C6orf118: variants seen among roughly 807,000 people sequenced by gnomAD.
The protein encoded by C6orf118 is uncharacterized protein C6orf118.
Under a neutral mutation model 50.2 loss-of-function variants are expected in C6orf118, and 50 were observed. That is an observed-to-expected ratio of 1.00 (90% confidence interval 0.79 to 1.26). The LOEUF is 1.26. Among genes scored for constraint, C6orf118 ranks in the 50% most tolerant of loss-of-function variants. C6orf118 has a pLI of 0.00. For synonymous variants in C6orf118, 239 were observed against 230.9 expected, an observed-to-expected ratio of 1.03 and a Z score of -0.32; for missense variants, 641 against 578.7, an observed-to-expected ratio of 1.11 and a Z score of -1.10.
chr6:165,298,378 G>C (rs12055415), intron 4 of C6orf118, among the ~76,000 whole-genome samples: 263 of 152,238 alleles, frequency 1.7e-3, no homozygotes, highest in African/African-American at 6.1e-3. Flanking sequence ...TGGCCCGTGT[G>C]GGGGGAAGGA....
chr6:165,298,224 A>T, intron 4 of C6orf118, 123 bp from the exon 5 acceptor site: 1 of 1,234,606 alleles, frequency 8.1e-7, no homozygotes, highest in Non-Finnish European at 1.1e-6. Context: ...TCTAGTTAAA[A>T]TAGGTAAATT....
chr6:165,281,680 T>G lies in C6orf118; in HGVS notation c.1316A>C (p.Gln439Pro). ...RIKSIEHEAI[Q>P]LETENMILKK... Reference sequence around the variant, plus strand: ...TAAAATCATATTTTCTGTTTCCAATTGTATAGCTTCATGCTGGAAGAGAAG... The same window carrying G: ...TAAAATCATATTTTCTGTTTCCAATGGTATAGCTTCATGCTGGAAGAGAAG... The change falls in exon 8 of 9, where the codon CAA becomes CCA. Residue 439 changes from glutamine (Q) to proline (P), a missense_variant. Transcript: ENST00000230301. The G allele has an allele frequency of 6.7e-7, 1 of 1,495,402 alleles. No homozygotes were observed. Among genetic ancestry groups the G allele is most frequent in the South Asian group, 1.3e-5 (1 of 77,794 alleles). 92.6% of individuals were successfully genotyped at this position (1,495,402 alleles called of 1,614,324 possible). A position where few individuals can be genotyped will look rare whatever the true frequency, so the allele number is the denominator to read the frequency against.
intron 5 of C6orf118, among the ~76,000 whole-genome samples, chr6:165,294,264 A>AC (rs1311199551): frequency 7.2e-4 from 109 of 150,774 alleles, no homozygotes; most frequent in Middle Eastern, 3.4e-3. Context: ...CAAAAAAAAA[A>AC]AAACAAAAAA....
chr6:165,292,987 A>C (rs1003326555), intron 6 of C6orf118, among the ~76,000 whole-genome samples: 3 of 152,224 alleles, frequency 2.0e-5, no homozygotes, highest in African/African-American at 7.2e-5. Flanking sequence ...ACAAACTTGG[A>C]GGGAAAATGG....
At chr6:165,305,822 T>C (rs12660972) in intron 1 of C6orf118, among the ~76,000 whole-genome samples, 3,924 of 69,558 alleles carry the variant, frequency 0.056, 51 homozygotes, top group African/African-American at 0.089. Flanking sequence ...AGTCAGGAAA[T>C]AACAGGTGCT....
intron 1 of C6orf118, among the ~76,000 whole-genome samples, chr6:165,306,486 AT>A (rs1235649009): frequency 1.5e-5 from 2 of 135,096 alleles, no homozygotes; most frequent in Admixed American, 1.5e-4. Context: ...AAAAAAAATT[AT>A]AAAAAAAAAA....
At chr6:165,287,979 T>A (rs1454433742) in intron 7 of C6orf118, among the ~76,000 whole-genome samples, 4 of 152,122 alleles carry the variant, frequency 2.6e-5, no homozygotes, top group Non-Finnish European at 5.9e-5. Flanking sequence ...GAAACTATCA[T>A]CAGAGCAAAC....
chr6:165,307,218 C>T (rs969515124), intron 1 of C6orf118, among the ~76,000 whole-genome samples: 1 of 144,910 alleles, frequency 6.9e-6, no homozygotes, highest in Admixed American at 6.9e-5. Context: ...CCACCCCCCC[C>T]ACCCCACCAA....
intron 3 of C6orf118, 105 bp from the exon 4 acceptor site, chr6:165,299,607 C>A (rs1205937772): frequency 4.9e-6 from 4 of 816,350 alleles, no homozygotes; most frequent in African/African-American, 1.7e-5. Flanking sequence ...TCATTTAGAT[C>A]ATTTCAGAAA....
intron 7 of C6orf118, 54 bp from the exon 8 acceptor site, chr6:165,281,747 T>A: frequency 8.7e-7 from 1 of 1,147,860 alleles, no homozygotes; most frequent in Non-Finnish European, 1.2e-6. Flanking sequence ...TATTTGTTAA[T>A]TATTTTTCTC....
At chr6:165,290,991 G>A (rs916519467) in intron 6 of C6orf118, among the ~76,000 whole-genome samples, 3 of 152,106 alleles carry the variant, frequency 2.0e-5, no homozygotes, top group South Asian at 4.2e-4. Flanking sequence ...TGAGAAATAC[G>A]CAAAAGGGGA....
At chr6:165,289,365 T>C in intron 7 of C6orf118, among the ~76,000 whole-genome samples, 1 of 152,186 alleles carries the variant, frequency 6.6e-6, no homozygotes, top group East Asian at 1.9e-4. Flanking sequence ...AAAAAAATCA[T>C]GTATTTCTTA....
intron 7 of C6orf118, among the ~76,000 whole-genome samples, chr6:165,287,101 A>T (rs866837434): frequency 2.0e-5 from 3 of 152,052 alleles, no homozygotes; most frequent in Admixed American, 2.0e-4. Flanking sequence ...CAAAATCAAT[A>T]TGCAAAAATT....
chr6:165,303,057 C>T (rs1780619640), intron 1 of C6orf118, among the ~76,000 whole-genome samples: 1 of 152,206 alleles, frequency 6.6e-6, no homozygotes, highest in South Asian at 2.1e-4. Flanking sequence ...TGTTTTCTAA[C>T]CTAAGAAGGA....
In C6orf118 at chr6:165,301,854, C is replaced by T. The variant is rs757586351; in HGVS notation, c.468G>A (p.Lys156=). 5.0e-6 allele frequency: 8 copies of T among 1,613,828 alleles called. No homozygotes were observed. The highest frequency in any genetic ancestry group is 6.8e-6 in the Non-Finnish European group (8 of 1,179,996). Residue 156 remains lysine (K), a synonymous_variant, in exon 2 of 9, where the codon AAG becomes AAA. Coordinates refer to ENST00000230301, the MANE Select transcript of C6orf118 (RefSeq NM_144980.4). ...CAGGAGGGCCTCCTTTCTTTTCTTC[C>T]TTCCCCTCTCTGACAGCCTCCACTG... The part of the protein sequence containing the change: ...FLPVEAVREG[K]EEKKGGPPGR...
chr6:165,301,121 C>G (rs953215713), intron 2 of C6orf118, among the ~76,000 whole-genome samples: 5 of 152,134 alleles, frequency 3.3e-5, no homozygotes, highest in Non-Finnish European at 7.3e-5. Flanking sequence ...TCCCAGAAGG[C>G]GCCCTCCTTC....
intron 1 of C6orf118, among the ~76,000 whole-genome samples, chr6:165,308,981 T>C (rs1456054810): frequency 2.6e-5 from 4 of 152,214 alleles, no homozygotes; most frequent in Admixed American, 1.3e-4. Context: ...TCCCAGCACA[T>C]GGCGGGTGGT....
intron 4 of C6orf118, 73 bp from the exon 5 acceptor site, chr6:165,298,174 A>G (rs1244011349): frequency 3.0e-5 from 45 of 1,485,624 alleles, no homozygotes; most frequent in Non-Finnish European, 3.4e-5. Flanking sequence ...CTTATTTGTC[A>G]TTAATGCGTT....
chr6:165,284,283 T>G (rs187662884), intron 7 of C6orf118, among the ~76,000 whole-genome samples: 1 of 151,754 alleles, frequency 6.6e-6, no homozygotes, highest in African/African-American at 2.4e-5. Flanking sequence ...GAAAAAAGAA[T>G]GAAAGGAATA....
Sources: allele counts gnomAD v4.1 joint callset (sites outside exome capture counted in the v4.1 genomes callset), GRCh38; gene constraint gnomAD v4.1.1; transcripts MANE v1.5; gene names NCBI Gene and HGNC (gene_info 2026-07-23, HGNC 2026-07-21).